EBF4: variants seen among roughly 807,000 people sequenced by gnomAD.
EBF4 encodes the protein transcription factor COE4.
Under a neutral mutation model 67.1 loss-of-function variants are expected in EBF4, and 34 were observed. The observed-to-expected ratio is 0.51, with a 90% CI of 0.39 to 0.67. EBF4 has a LOEUF of 0.67. Among genes scored for constraint, EBF4 ranks in the 30% least tolerant of loss-of-function variants. The pLI, the probability that EBF4 is intolerant of heterozygous loss-of-function variation, is 0.00. For synonymous variants in EBF4, 387 were observed against 377.7 expected (o/e 1.02, Z -0.29); for missense variants, 837 against 873.3 (o/e 0.96, Z 0.52).
chr20:2,714,276 C>CTCCTTCCTTCCT (rs752211201), intron 6 of EBF4, among the ~76,000 whole-genome samples: 5 of 151,418 alleles, frequency 3.3e-5, no homozygotes, highest in African/African-American at 1.2e-4. Context: ...TTTTTCTTTT[C>CTCCTTCCTTCCT]TCCTTCCTTC....
At chr20:2,721,246 C>CTTTTT (rs146844927) in intron 6 of EBF4, among the ~76,000 whole-genome samples, 21 of 107,938 alleles carry the variant, frequency 1.9e-4, no homozygotes, top group Middle Eastern at 6.3e-3. Flanking sequence ...TGATTCTCTT[C>CTTTTT]TTTTTTTTTT....
In EBF4 at chr20:2,693,792, C is replaced by A. The variant is rs1247889351; in HGVS notation, c.137+10C>A. The A allele has an allele frequency of 2.3e-6, 3 of 1,290,766 alleles. No individual in the cohort carries two copies. Among genetic ancestry groups the A allele is most frequent in the South Asian group, 4.5e-5 (2 of 44,452 alleles). 80.0% of individuals were successfully genotyped at this position (1,290,766 alleles called of 1,614,324 possible). A position where few individuals can be genotyped will look rare whatever the true frequency, so the allele number is the denominator to read the frequency against. Reference sequence around the variant, plus strand: ...GCACCGCGGCGCAGAGGTAAGCGCTCGGACCGGACCCGGTGCGCTCGGGTT... The same window carrying A: ...GCACCGCGGCGCAGAGGTAAGCGCTAGGACCGGACCCGGTGCGCTCGGGTT... On this transcript the variant is annotated intron_variant, in intron 1 of 16. Transcript: ENST00000609451. This position sits in a 1 kb window ranked among gnomAD's most constrained non-coding sequence, Gnocchi z 4.6.
chr20:2,749,351 C>T (rs1245327597), intron 7 of EBF4, 50 bp from the exon 8 acceptor site: 1 of 1,427,336 alleles, frequency 7.0e-7, no homozygotes. Flanking sequence ...CATTCCCCTC[C>T]CGGGAGCCCC....
At chr20:2,719,776 T>C (rs1202437203) in intron 6 of EBF4, among the ~76,000 whole-genome samples, 1 of 152,238 alleles carries the variant, frequency 6.6e-6, no homozygotes, top group African/African-American at 2.4e-5. Flanking sequence ...TTGAATCCTT[T>C]TGAATTTATT....
At chr20:2,759,189 G>A (rs2146529403) in intron 16 of EBF4, 79 bp from the exon 17 acceptor site, 1 of 583,480 alleles carries the variant, frequency 1.7e-6, no homozygotes, top group South Asian at 2.2e-5. Flanking sequence ...AGCTGACCAG[G>A]TAGAGAGAAG....
intron 14 of EBF4, among the ~76,000 whole-genome samples, chr20:2,753,973 A>G (rs2325968): frequency 6.9e-6 from 1 of 144,084 alleles, no homozygotes; most frequent in East Asian, 2.4e-4. Context: ...CCCTTGGGCC[A>G]ACACTGGTGG....
chr20:2,738,548 G>A (rs569403245), intron 6 of EBF4, among the ~76,000 whole-genome samples: 6 of 152,180 alleles, frequency 3.9e-5, no homozygotes, highest in African/African-American at 9.6e-5. Flanking sequence ...CCTTCCTGCC[G>A]CTGCATGTGG....
chr20:2,714,361 T>G (rs1379713935), intron 6 of EBF4, among the ~76,000 whole-genome samples: 1 of 152,054 alleles, frequency 6.6e-6, no homozygotes, highest in East Asian at 1.9e-4. Flanking sequence ...TTTTCTTTCT[T>G]TCTTCTTTTT....
At chr20:2,742,155 G>A (rs1253854363) in intron 6 of EBF4, among the ~76,000 whole-genome samples, 3 of 152,184 alleles carry the variant, frequency 2.0e-5, no homozygotes, top group East Asian at 1.9e-4. Flanking sequence ...GACTCTTGTC[G>A]GCATCAGTGG....
At position 2,749,756 on chromosome 20, in the gene EBF4, G is replaced by A. The variant is rs2088110789; in HGVS notation, c.891+3G>A. 1 of 1,531,024 alleles carries A rather than the reference G, an allele frequency of 6.5e-7. No homozygotes were observed. The highest frequency in any genetic ancestry group is 8.8e-7 in the Non-Finnish European group (1 of 1,136,908). The allele number at this position is 1,531,024 out of a possible 1,614,324, so 94.8% of individuals were successfully genotyped here. On this transcript the variant is annotated splice_donor_region_variant and intron_variant, in intron 9 of 16. Coordinates refer to ENST00000609451, the Ensembl canonical transcript of EBF4. The stretch of plus-strand genomic sequence containing the variant: ...GAAACGTGCTCGTGTGGAGCGAGGT[G>A]GGCCAACCCCGCCAGTCTCCCTCTG...
In EBF4 at chr20:2,719,750, A is replaced by G. The variant is rs2146419793; in HGVS notation, c.557+10108A>G. On this transcript the variant is annotated intron_variant, in intron 6 of 16. Transcript: ENST00000609451. ...TTAATTGCATTGTTTGTCAGACAAC[A>G]TGTACTTTGTGTGACTTGAATCCTT... Among the ~76,000 whole-genome samples the G allele has an allele frequency of 2.6e-5, 4 of 152,294 alleles. 1 individual carries two copies. In the South Asian group the frequency reaches 8.3e-4, roughly 32 times the overall value.
intron 6 of EBF4, among the ~76,000 whole-genome samples, chr20:2,721,986 A>C (rs1475357977): frequency 1.1e-4 from 17 of 152,082 alleles, no homozygotes. Flanking sequence ...TATTTCTGTA[A>C]ATCTTGAGCT....
intron 6 of EBF4, among the ~76,000 whole-genome samples, chr20:2,722,460 A>C (rs1048547827): frequency 1.3e-5 from 2 of 152,100 alleles, no homozygotes; most frequent in Non-Finnish European, 2.9e-5. Flanking sequence ...TGCCTTTATC[A>C]GTACTCTACT....
chr20:2,693,667 C>T lies in EBF4; in HGVS notation c.22C>T (p.Leu8=), dbSNP rs955317458. 5 of 1,446,432 alleles carry T rather than the reference C, an allele frequency of 3.5e-6. No homozygotes were observed. In the South Asian group the frequency reaches 6.8e-5, roughly 20 times the overall value. 89.6% of individuals were successfully genotyped at this position (1,446,432 alleles called of 1,614,324 possible). The change falls in exon 1 of 17, where the codon CTG becomes TTG. Residue 8 remains leucine, a synonymous_variant. Transcript: ENST00000609451. The surrounding 1 kb of genome is among the most constrained non-coding windows in gnomAD (Gnocchi z 4.6). ...CCTCATGTTCCCTGCGCAGGACGCT[C>T]TGCCCCGCAGCGGGCTGAACCTGAA... is the stretch of plus-strand genomic sequence containing the variant.
chr20:2,752,190 CG>C lies in EBF4; in HGVS notation c.1279del (p.Val427SerfsTer120). ...TGGCCCCGAGCCACCCACACCCCGC[CG>C]TCGTGGGCATCAACGCCTTCAGCAG... is the stretch of plus-strand genomic sequence containing the variant. On this transcript the variant is annotated frameshift_variant, in exon 13 of 17. Transcript: ENST00000609451. LOFTEE classifies it high-confidence loss of function. The C allele has an allele frequency of 7.0e-7, 1 of 1,427,568 alleles. No individual in the cohort carries two copies. The highest frequency in any genetic ancestry group is 9.2e-7 in the Non-Finnish European group (1 of 1,091,284). 88.4% of individuals were successfully genotyped at this position (1,427,568 alleles called of 1,614,324 possible). A position where few individuals can be genotyped will look rare whatever the true frequency, so the allele number is the denominator to read the frequency against.
At chr20:2,716,621 C>T (rs2087614414) in intron 6 of EBF4, among the ~76,000 whole-genome samples, 1 of 152,202 alleles carries the variant, frequency 6.6e-6, no homozygotes, top group Admixed American at 6.5e-5. Flanking sequence ...TTCCCTTTCA[C>T]ATTTGTCATC....
At position 2,755,711 on chromosome 20, in the gene EBF4, C is replaced by A. The variant is rs375399421; in HGVS notation, c.1625C>A (p.Ser542Ter). 6.4e-7 allele frequency: 1 copy of A among 1,550,638 alleles called. No individual in the cohort carries two copies. The highest frequency in any genetic ancestry group is 2.0e-5 in the Admixed American group (1 of 50,962). The change falls in exon 15 of 17, where the codon TCG becomes TAG. Residue 542 changes from serine (S) to a stop codon, truncating the protein, a stop_gained. Transcript: ENST00000609451. LOFTEE classifies it high-confidence loss of function. This position sits in a 1 kb window ranked among gnomAD's most constrained non-coding sequence, Gnocchi z 4.7. ...CCCACCACCAGCGTGTTCTCCTTCT[C>A]GCCTGTCAACATGATCTCCGCCGTC...
intron 6 of EBF4, among the ~76,000 whole-genome samples, chr20:2,736,116 C>T (rs995142164): frequency 1.3e-5 from 2 of 152,164 alleles, no homozygotes; most frequent in Non-Finnish European, 2.9e-5. Flanking sequence ...CTGTATCTGA[C>T]ATCACAGCTC....
chr20:2,744,492 CT>C (rs35298353), intron 6 of EBF4, among the ~76,000 whole-genome samples: 50 of 115,872 alleles, frequency 4.3e-4, no homozygotes, highest in Admixed American at 1.1e-3. Context: ...TTTTTCTTTT[CT>C]TTTTTTTTTT....
Sources: gnomAD v4.1 joint callset for allele counts (sites outside exome capture counted in the v4.1 genomes callset) on GRCh38, gnomAD v4.1.1 for gene constraint, Gnocchi (gnomAD v3.1) non-coding constraint, MANE v1.5 for transcripts, NCBI Gene and HGNC (gene_info 2026-07-23, HGNC 2026-07-21) for gene names.